MSRA: variants seen among roughly 807,000 people sequenced by gnomAD.
MSRA encodes mitochondrial peptide methionine sulfoxide reductase.
A neutral mutation model predicts 31.3 loss-of-function variants in MSRA; 54 were observed. The observed-to-expected ratio is 1.73, with a 90% CI of 1.39 to 2.17. MSRA has a LOEUF of 2.17. MSRA is among the 30% of genes most tolerant of loss of function. The probability of loss-of-function intolerance (pLI) is 0.00; values close to 1 mark genes in which losing one functional copy is unlikely to be tolerated. For missense variants in MSRA, 507 were observed against 300.9 expected (o/e 1.69, Z -5.07); for synonymous variants, 169 against 116.5 (o/e 1.45, Z -2.90).
intron 5 of MSRA, among the ~76,000 whole-genome samples, chr8:10,379,342 C>A (rs1401523713): frequency 6.6e-6 from 1 of 152,184 alleles, no homozygotes; most frequent in Non-Finnish European, 1.5e-5. Flanking sequence ...AGAACAGATA[C>A]AGAATCTGCA....
chr8:10,145,158 C>G (rs1803034327), intron 1 of MSRA, among the ~76,000 whole-genome samples: 1 of 152,182 alleles, frequency 6.6e-6, no homozygotes, highest in African/African-American at 2.4e-5. Context: ...GGAGCTGAGT[C>G]AAACTCCAGG....
At position 10,225,528 on chromosome 8, in the gene MSRA, TAA is replaced by T. The variant is rs201339037; in HGVS notation, c.211+17629_211+17630del. ...AAGTGGGAAAAATTCTTTTTATTCA[TAA>T]ATTTAATTTGCCCAGAGTTGCGGAA... On this transcript the variant is annotated intron_variant, in intron 2 of 5. Transcript: ENST00000317173. Among the ~76,000 whole-genome samples the T allele has an allele frequency of 3.3e-5, 5 of 152,356 alleles. No homozygotes were observed. The East Asian group carries it at 9.6e-4, about 29-fold the overall frequency.
At chr8:10,122,134 C>T (rs752639658) in intron 1 of MSRA, among the ~76,000 whole-genome samples, 13 of 152,094 alleles carry the variant, frequency 8.5e-5, no homozygotes, top group South Asian at 4.1e-4. Flanking sequence ...CAGAGCTACC[C>T]AGCATGCTGC....
chr8:10,408,328 G>A (rs1807947470), intron 5 of MSRA, among the ~76,000 whole-genome samples: 1 of 152,176 alleles, frequency 6.6e-6, no homozygotes, highest in Non-Finnish European at 1.5e-5. Context: ...CTTCGGCCCA[G>A]GAGTTTAAGA....
intron 3 of MSRA, among the ~76,000 whole-genome samples, chr8:10,247,664 A>G (rs1451366849): frequency 6.6e-6 from 1 of 152,228 alleles, no homozygotes; most frequent in Non-Finnish European, 1.5e-5. Flanking sequence ...TGCTAAGTTA[A>G]CAGTAGCATT....
intron 3 of MSRA, among the ~76,000 whole-genome samples, chr8:10,278,510 A>G (rs1799444246): frequency 3.3e-5 from 5 of 152,332 alleles, no homozygotes; most frequent in Admixed American, 3.3e-4. Context: ...CCATAACCCC[A>G]TTGAAATCTA....
chr8:10,057,303 T>C lies in MSRA; in HGVS notation c.142+2645T>C, dbSNP rs776598047. Among the ~76,000 whole-genome samples the C allele has an allele frequency of 3.0e-4, 46 of 152,176 alleles. 1 individual carries two copies. Among genetic ancestry groups the C allele is most frequent in the Admixed American group, 9.2e-4 (14 of 15,276 alleles). ...TGCCCTGTATGTGGAGATGGTCTCA[T>C]TGTGCTTCAGTGCCTGACCACCAAG... is the stretch of plus-strand genomic sequence containing the variant. On this transcript the variant is annotated intron_variant, in intron 1 of 5. Transcript: ENST00000317173.
intron 1 of MSRA, among the ~76,000 whole-genome samples, chr8:10,096,520 AGTG>A (rs2128930091): frequency 6.6e-6 from 1 of 152,316 alleles, no homozygotes; most frequent in East Asian, 1.9e-4. Flanking sequence ...TTGGAGAAGA[AGTG>A]GTGAGCTGTG....
chr8:10,284,085 C>A (rs1021654260), intron 3 of MSRA, among the ~76,000 whole-genome samples: 3 of 151,860 alleles, frequency 2.0e-5, no homozygotes, highest in Admixed American at 6.6e-5. Flanking sequence ...ACACTGTTTT[C>A]CATAGTGGTT....
chr8:10,158,272 A>G (rs983885001), intron 1 of MSRA, among the ~76,000 whole-genome samples: 5 of 152,238 alleles, frequency 3.3e-5, no homozygotes, highest in Non-Finnish European at 7.3e-5. Flanking sequence ...GCAAATGGGT[A>G]TGAACTGCAG....
rs1273389035 is a variant in MSRA at position 10,295,738 on chromosome 8, C to G, written c.332-5796C>G. ...CCCCCTGGAGAGGTGGACTTGTACT[C>G]TGGATCTGCAGCCCAGGCAGCAGTG... On this transcript the variant is annotated intron_variant, in intron 3 of 5. Transcript: ENST00000317173. 5.0e-3 allele frequency among the ~76,000 whole-genome samples: 757 copies of G among 152,296 alleles called. 4 individuals carry two copies. Among genetic ancestry groups the G allele is most frequent in the Non-Finnish European group, 6.7e-3 (453 of 68,024 alleles).
chr8:10,316,426 C>G (rs1371860569), intron 4 of MSRA, among the ~76,000 whole-genome samples: 1 of 151,858 alleles, frequency 6.6e-6, no homozygotes, highest in Admixed American at 6.6e-5. Flanking sequence ...TATGGGTTTA[C>G]TAATATCCTC....
chr8:10,330,689 TC>T (rs1353505675), intron 5 of MSRA, among the ~76,000 whole-genome samples: 1 of 152,236 alleles, frequency 6.6e-6, no homozygotes, highest in Non-Finnish European at 1.5e-5. Flanking sequence ...GGAACTCGTC[TC>T]CCATTTTCTA....
At chr8:10,058,842 TTTTA>T (rs1258054637) in intron 1 of MSRA, 3 of 152,232 alleles carry the variant, frequency 2.0e-5, no homozygotes, top group Non-Finnish European at 4.4e-5. Flanking sequence ...ACTTCCACCT[TTTTA>T]TTAAGTGTGA....
intron 2 of MSRA, among the ~76,000 whole-genome samples, chr8:10,208,936 C>T (rs1809247529): frequency 6.6e-6 from 1 of 152,256 alleles, no homozygotes; most frequent in African/African-American, 2.4e-5. Context: ...AATGAGCACA[C>T]TGAAGTTAGA....
rs186060984 is a variant in MSRA at position 10,391,167 on chromosome 8, G to A, written c.544-36981G>A. 8.9e-4 allele frequency among the ~76,000 whole-genome samples: 135 copies of A among 152,314 alleles called. 1 individual carries two copies. The highest frequency in any genetic ancestry group is 3.0e-3 in the African/African-American group (123 of 41,562). ...TTTTATAGAAATGTTAACCTCATTT[G>A]CATTGGCTTTTGTATCTTCCCCTTA... On this transcript the variant is annotated intron_variant, in intron 5 of 5. Coordinates refer to ENST00000317173, the MANE Select transcript of MSRA (RefSeq NM_012331.5).
chr8:10,261,339 A>G (rs921921767), intron 3 of MSRA, among the ~76,000 whole-genome samples: 13 of 151,798 alleles, frequency 8.6e-5, no homozygotes, highest in Admixed American at 3.3e-4. Context: ...TACAGTGGTG[A>G]ACAGGATAAA....
chr8:10,345,306 T>C (rs1467758982), intron 5 of MSRA, among the ~76,000 whole-genome samples: 6 of 152,226 alleles, frequency 3.9e-5, no homozygotes, highest in African/African-American at 1.2e-4. Flanking sequence ...TCAGTTTCCA[T>C]GTCGGTTAGA....
At chr8:10,145,550 T>G (rs1188309525) in intron 1 of MSRA, among the ~76,000 whole-genome samples, 1 of 152,222 alleles carries the variant, frequency 6.6e-6, no homozygotes, top group Admixed American at 6.5e-5. Context: ...GGCGTGTTTG[T>G]GAGCACTCCA....
Sources: gnomAD v4.1 joint callset for allele counts (sites outside exome capture counted in the v4.1 genomes callset) on GRCh38, gnomAD v4.1.1 for gene constraint, MANE v1.5 for transcripts, NCBI Gene and HGNC (gene_info 2026-07-23, HGNC 2026-07-21) for gene names.